Variants in EFCAB11 observed in about 807,000 individuals in gnomAD.
The protein encoded by EFCAB11 is EF-hand calcium-binding domain-containing protein 11.
A neutral mutation model predicts 23.0 loss-of-function variants in EFCAB11; 14 were observed. The observed-to-expected ratio is 0.61, with a 90% confidence interval of 0.40 to 0.95. The LOEUF is 0.95. Among genes scored for constraint, EFCAB11 ranks in the 40% least tolerant of loss-of-function variants. The pLI, the probability that EFCAB11 is intolerant of heterozygous loss-of-function variation, is 0.00. For synonymous variants in EFCAB11, 65 were observed against 66.6 expected, an observed-to-expected ratio of 0.98 and a Z score of 0.11; for missense variants, 198 against 195.8, an observed-to-expected ratio of 1.01 and a Z score of -0.07.
At chr14:89,900,760 T>C (rs1889315477) in intron 5 of EFCAB11, among the ~76,000 whole-genome samples, 1 of 152,216 alleles carries the variant, frequency 6.6e-6, no homozygotes, top group African/African-American at 2.4e-5. Flanking sequence ...GGAATTAATA[T>C]CAGCAAATCA....
chr14:89,803,054 G>C (rs1885840532), intron 5 of EFCAB11, among the ~76,000 whole-genome samples: 1 of 152,090 alleles, frequency 6.6e-6, no homozygotes, highest in South Asian at 2.1e-4. Flanking sequence ...CTAGATGTTG[G>C]TAGGACCCTC....
chr14:89,804,478 C>T (rs1201835408), intron 5 of EFCAB11, among the ~76,000 whole-genome samples: 1 of 152,232 alleles, frequency 6.6e-6, no homozygotes, highest in African/African-American at 2.4e-5. Context: ...TGGGATCAAG[C>T]TCCAATCGCT....
chr14:89,954,045 T>G (rs1891316497), intron 1 of EFCAB11, 44 bp from the exon 2 acceptor site: 7 of 1,517,652 alleles, frequency 4.6e-6, no homozygotes, highest in Non-Finnish European at 5.4e-6. Context: ...CAGAAATGGT[T>G]TATTTTTATT....
intron 3 of EFCAB11, among the ~76,000 whole-genome samples, chr14:89,933,557 C>T (rs1890474235): frequency 6.6e-6 from 1 of 152,084 alleles, no homozygotes; most frequent in Admixed American, 6.5e-5. Context: ...TCTTAATTTC[C>T]TACATCTTTA....
chr14:89,871,011 ATCT>A (rs1444279166), intron 5 of EFCAB11, among the ~76,000 whole-genome samples: 3 of 152,200 alleles, frequency 2.0e-5, no homozygotes, highest in African/African-American at 4.8e-5. Context: ...CCTGTGCCAC[ATCT>A]TCTTAAGTAA....
At chr14:89,944,129 C>T (rs970014030) in intron 3 of EFCAB11, among the ~76,000 whole-genome samples, 2 of 152,136 alleles carry the variant, frequency 1.3e-5, no homozygotes, top group Non-Finnish European at 2.9e-5. Context: ...TGAGACTGGA[C>T]GATTTACAAA....
intron 5 of EFCAB11, among the ~76,000 whole-genome samples, chr14:89,917,684 C>T (rs1275202809): frequency 6.6e-6 from 1 of 152,150 alleles, no homozygotes; most frequent in Non-Finnish European, 1.5e-5. Context: ...TAACAAGTAC[C>T]AGCAACATGA....
intron 5 of EFCAB11, among the ~76,000 whole-genome samples, chr14:89,818,451 A>G (rs1474291273): frequency 6.6e-6 from 1 of 152,002 alleles, no homozygotes; most frequent in East Asian, 1.9e-4. Context: ...CGTAGGGAGA[A>G]GAAGGGAAGG....
chr14:89,852,925 G>A (rs1197842080), intron 5 of EFCAB11, among the ~76,000 whole-genome samples: 1 of 151,932 alleles, frequency 6.6e-6, no homozygotes, highest in Non-Finnish European at 1.5e-5. Context: ...ACCCCAACTC[G>A]ACATTCCTAC....
intron 5 of EFCAB11, among the ~76,000 whole-genome samples, chr14:89,852,168 T>C (rs966586328): frequency 1.3e-5 from 2 of 152,218 alleles, no homozygotes; most frequent in African/African-American, 4.8e-5. Context: ...ACAACTGTCA[T>C]ATGCAAAGAA....
chr14:89,870,795 G>C (rs887470004), intron 5 of EFCAB11, among the ~76,000 whole-genome samples: 17 of 141,134 alleles, frequency 1.2e-4, no homozygotes, highest in Admixed American at 7.2e-4. Flanking sequence ...AAAAAAATTA[G>C]CCAGGCATGG....
At chr14:89,898,885 G>A (rs1889257360) in intron 5 of EFCAB11, among the ~76,000 whole-genome samples, 1 of 151,718 alleles carries the variant, frequency 6.6e-6, no homozygotes, top group Admixed American at 6.6e-5. Context: ...TGTTGCCCAG[G>A]CTGGTCTTGA....
intron 5 of EFCAB11, among the ~76,000 whole-genome samples, chr14:89,920,406 T>A (rs1040138461): frequency 1.3e-5 from 2 of 152,204 alleles, no homozygotes; most frequent in Non-Finnish European, 2.9e-5. Flanking sequence ...GCTTCCTACC[T>A]TCAGGGTCTC....
intron 5 of EFCAB11, among the ~76,000 whole-genome samples, chr14:89,906,338 T>C (rs1165426682): frequency 6.6e-6 from 1 of 152,170 alleles, no homozygotes; most frequent in East Asian, 1.9e-4. Context: ...AGGTTTGGTT[T>C]TGTTTCAATA....
intron 5 of EFCAB11, among the ~76,000 whole-genome samples, chr14:89,869,149 T>C (rs547289794): frequency 1.3e-5 from 2 of 152,274 alleles, no homozygotes; most frequent in East Asian, 1.9e-4. Flanking sequence ...GCTGCAGTGA[T>C]GCATGTTCAC....
At chr14:89,934,054 A>C (rs1890490430) in intron 3 of EFCAB11, among the ~76,000 whole-genome samples, 1 of 152,186 alleles carries the variant, frequency 6.6e-6, no homozygotes, top group East Asian at 1.9e-4. Flanking sequence ...GAAGTGATAC[A>C]AGATGAGGTT....
In EFCAB11 at chr14:89,932,367, G is replaced by A. The variant is rs144104573; in HGVS notation, c.319+159C>T. On this transcript the variant is annotated intron_variant, in intron 4 of 5. Coordinates refer to ENST00000316738, the MANE Select transcript of EFCAB11 (RefSeq NM_145231.4). ...ATGGTAAATGTCAAGAAATCACGAC[G>A]GAGAAAAAAATGTGCATCAATACCT... 3.8e-3 allele frequency among the ~76,000 whole-genome samples: 574 copies of A among 152,018 alleles called. 2 individuals are homozygous for A. Among genetic ancestry groups the A allele is most frequent in the Middle Eastern group, 0.017 (5 of 294 alleles).
chr14:89,848,626 G>A (rs570268340), intron 5 of EFCAB11: 4 of 152,266 alleles, frequency 2.6e-5, no homozygotes, highest in African/African-American at 4.8e-5. Flanking sequence ...GCAACACTGT[G>A]TTAAAACAAT....
chr14:89,819,472 T>G (rs1433918677), intron 5 of EFCAB11, among the ~76,000 whole-genome samples: 2 of 151,770 alleles, frequency 1.3e-5, no homozygotes, highest in East Asian at 1.9e-4. Flanking sequence ...TAGGCTGGAG[T>G]GCAGTTGCAT....
Sources: gnomAD v4.1 joint callset for allele counts (sites outside exome capture counted in the v4.1 genomes callset) on GRCh38, gnomAD v4.1.1 for gene constraint, MANE v1.5 for transcripts, NCBI Gene and HGNC (gene_info 2026-07-23, HGNC 2026-07-21) for gene names.